Variants in EXOC4 observed in about 807,000 individuals in gnomAD.
EXOC4 encodes the protein SEC8-like 1.
In EXOC4, 71 loss-of-function variants were observed where a neutral mutation model predicts 107.2. That is an observed-to-expected ratio of 0.66 (90% CI 0.55 to 0.81). EXOC4 has a LOEUF of 0.81. Ranked by LOEUF, EXOC4 falls within the 30% of genes least tolerant of loss-of-function variation. The pLI, the probability that EXOC4 is intolerant of heterozygous loss-of-function variation, is 0.00. For synonymous variants in EXOC4, 456 were observed against 441.2 expected, an observed-to-expected ratio of 1.03 and a Z score of -0.42; for missense variants, 1,108 against 1,189.6, an observed-to-expected ratio of 0.93 and a Z score of 1.01.
At chr7:133,561,672 T>C (rs1443145643) in intron 9 of EXOC4, among the ~76,000 whole-genome samples, 1 of 152,228 alleles carries the variant, frequency 6.6e-6, no homozygotes, top group East Asian at 1.9e-4. Flanking sequence ...CCACTGTCTG[T>C]GTGAAGTTAA....
At chr7:133,375,842 A>G (rs1266095055) in intron 7 of EXOC4, among the ~76,000 whole-genome samples, 1 of 152,190 alleles carries the variant, frequency 6.6e-6, no homozygotes, top group African/African-American at 2.4e-5. Flanking sequence ...AATGATATTT[A>G]GAAATTGTAT....
intron 9 of EXOC4, among the ~76,000 whole-genome samples, chr7:133,551,982 G>C (rs1005380832): frequency 2.0e-5 from 3 of 152,024 alleles, no homozygotes; most frequent in South Asian, 2.1e-4. Flanking sequence ...TTGAGTCTTC[G>C]TGAGAAGATG....
chr7:133,312,677 G>C (rs1251181083), intron 4 of EXOC4, among the ~76,000 whole-genome samples: 2 of 151,976 alleles, frequency 1.3e-5, no homozygotes, highest in East Asian at 1.9e-4. Flanking sequence ...TGTGTGACGT[G>C]GGGGGTGGAT....
the EXOC4 span, among the ~76,000 whole-genome samples, chr7:134,075,953 A>T: frequency 6.6e-6 from 1 of 152,188 alleles, no homozygotes; most frequent in Non-Finnish European, 1.5e-5. Flanking sequence ...TAAGAAATAC[A>T]TCTTTGTTGT....
chr7:133,991,249 A>C (rs1416596030), intron 14 of EXOC4, among the ~76,000 whole-genome samples: 1 of 151,352 alleles, frequency 6.6e-6, no homozygotes, highest in Non-Finnish European at 1.5e-5. Flanking sequence ...TCTTTTGCCT[A>C]TTTTTATAGT....
chr7:133,893,370 C>G (rs1799234148), intron 11 of EXOC4, among the ~76,000 whole-genome samples: 1 of 82,910 alleles, frequency 1.2e-5, no homozygotes, highest in Admixed American at 9.2e-5. Context: ...TGGGTCTTGA[C>G]TCTTTATCGA....
intron 14 of EXOC4, among the ~76,000 whole-genome samples, chr7:133,949,173 C>G (rs1245685104): frequency 6.6e-6 from 1 of 152,158 alleles, no homozygotes; most frequent in East Asian, 1.9e-4. Flanking sequence ...GTCATGCATT[C>G]AGGGAGAGGT....
At chr7:134,058,495 G>A (rs942267390) in intron 17 of EXOC4, among the ~76,000 whole-genome samples, 19 of 152,292 alleles carry the variant, frequency 1.2e-4, no homozygotes, top group African/African-American at 3.8e-4. Context: ...AAATGAAAAA[G>A]CCAAAAACTC....
intron 1 of EXOC4, among the ~76,000 whole-genome samples, chr7:133,257,221 T>A (rs1795038178): frequency 7.5e-6 from 1 of 133,222 alleles, no homozygotes; most frequent in South Asian, 2.3e-4. Context: ...CCACTGGCCC[T>A]TTAAAATGGA....
At chr7:133,975,805 A>G (rs1332572539) in intron 14 of EXOC4, among the ~76,000 whole-genome samples, 1 of 152,164 alleles carries the variant, frequency 6.6e-6, no homozygotes, top group Non-Finnish European at 1.5e-5. Context: ...AGAAGTAGAT[A>G]TCATAATCTT....
chr7:134,072,730 G>A, the EXOC4 span, among the ~76,000 whole-genome samples: 33 of 152,318 alleles, frequency 2.2e-4, no homozygotes, highest in African/African-American at 7.7e-4. Flanking sequence ...TGGGATAACA[G>A]TGATACTAAT....
intron 9 of EXOC4, among the ~76,000 whole-genome samples, chr7:133,533,612 A>C (rs1012124292): frequency 2.6e-5 from 4 of 152,164 alleles, no homozygotes; most frequent in African/African-American, 4.8e-5. Flanking sequence ...TAGCATGTGC[A>C]GTATGGATTA....
At chr7:133,693,640 G>A (rs1281883302) in intron 10 of EXOC4, among the ~76,000 whole-genome samples, 1 of 151,994 alleles carries the variant, frequency 6.6e-6, no homozygotes, top group Admixed American at 6.6e-5. Context: ...CCACTCTCTT[G>A]ATAATCACAT....
At chr7:133,803,334 T>A (rs1429255337) in intron 10 of EXOC4, among the ~76,000 whole-genome samples, 1 of 152,230 alleles carries the variant, frequency 6.6e-6, no homozygotes, top group Non-Finnish European at 1.5e-5. Context: ...AAACCAGGGC[T>A]TATACTGGAG....
At chr7:133,775,947 T>C (rs1796336517) in intron 10 of EXOC4, among the ~76,000 whole-genome samples, 1 of 152,216 alleles carries the variant, frequency 6.6e-6, no homozygotes, top group Non-Finnish European at 1.5e-5. Flanking sequence ...ATCAGTTATC[T>C]AGAAGGAATT....
chr7:133,544,875 T>G (rs1421803503), intron 9 of EXOC4, among the ~76,000 whole-genome samples: 1 of 151,790 alleles, frequency 6.6e-6, no homozygotes, highest in Non-Finnish European at 1.5e-5. Context: ...CAGGGCTCTT[T>G]GTATCTTGTA....
chr7:133,857,145 C>CGTGT (rs1798398758), intron 11 of EXOC4, among the ~76,000 whole-genome samples: 1 of 35,000 alleles, frequency 2.9e-5, no homozygotes, highest in African/African-American at 1.4e-4. Flanking sequence ...TATACACATA[C>CGTGT]ACGTATATAT....
At chr7:133,901,651 CA>C (rs1799454260) in intron 12 of EXOC4, among the ~76,000 whole-genome samples, 1 of 152,158 alleles carries the variant, frequency 6.6e-6, no homozygotes, top group African/African-American at 2.4e-5. Flanking sequence ...TATGCTCCCC[CA>C]AAAATGATTT....
chr7:134,072,786 A>G, the EXOC4 span, among the ~76,000 whole-genome samples: 2 of 152,174 alleles, frequency 1.3e-5, no homozygotes, highest in Non-Finnish European at 2.9e-5. Context: ...TGTCATTAGT[A>G]TTATATATAC....
Sources: allele counts gnomAD v4.1 joint callset (sites outside exome capture counted in the v4.1 genomes callset), GRCh38; gene constraint gnomAD v4.1.1; transcripts MANE v1.5; gene names NCBI Gene and HGNC (gene_info 2026-07-23, HGNC 2026-07-21).